Variants in OSBPL10 observed in about 807,000 individuals in gnomAD.
OSBPL10 encodes the protein oxysterol binding protein like 10.
OSBPL10 carries 49 observed loss-of-function variants against 81.7 expected under a neutral mutation model. That is an observed-to-expected ratio of 0.60 (90% confidence interval 0.48 to 0.76). The LOEUF is 0.76. Ranked by LOEUF, OSBPL10 falls within the 30% of genes least tolerant of loss-of-function variation. The pLI, the probability that OSBPL10 is intolerant of heterozygous loss-of-function variation, is 0.00. For missense variants in OSBPL10, 923 were observed against 987.8 expected, an observed-to-expected ratio of 0.93 and a Z score of 0.88; for synonymous variants, 419 against 383.6, an observed-to-expected ratio of 1.09 and a Z score of -1.08.
At chr3:31,941,590 C>T (rs1396881385) in intron 1 of OSBPL10, among the ~76,000 whole-genome samples, 1 of 152,180 alleles carries the variant, frequency 6.6e-6, no homozygotes, top group African/African-American at 2.4e-5. Context: ...CTGCCTACTG[C>T]CAAGATCCCT....
At chr3:31,886,575 G>A (rs1245981523) in intron 1 of OSBPL10, among the ~76,000 whole-genome samples, 2 of 152,160 alleles carry the variant, frequency 1.3e-5, no homozygotes, top group Non-Finnish European at 2.9e-5. Flanking sequence ...CTGCATGAAC[G>A]GGGCCTGTGA....
At chr3:31,812,547 T>C (rs1306050530) in intron 4 of OSBPL10, among the ~76,000 whole-genome samples, 1 of 152,002 alleles carries the variant, frequency 6.6e-6, no homozygotes, top group African/African-American at 2.4e-5. Context: ...TATGAAGTAT[T>C]GTCGCTGTGA....
intron 2 of OSBPL10, among the ~76,000 whole-genome samples, chr3:32,009,663 C>T (rs1397179492): frequency 6.6e-6 from 1 of 152,160 alleles, no homozygotes; most frequent in East Asian, 1.9e-4. Context: ...GTTGAATAAG[C>T]CCTGCACCAC....
At chr3:31,882,683 A>G (rs1308354947) in intron 1 of OSBPL10, among the ~76,000 whole-genome samples, 2 of 152,210 alleles carry the variant, frequency 1.3e-5, no homozygotes, top group Non-Finnish European at 2.9e-5. Flanking sequence ...ACACACACAC[A>G]CACGCACTGG....
chr3:31,713,960 T>G (rs759920565), intron 6 of OSBPL10: 2 of 152,212 alleles, frequency 1.3e-5, no homozygotes, highest in Non-Finnish European at 2.9e-5. Flanking sequence ...ACTGACTTAT[T>G]CGTTGCATAA....
intron 4 of OSBPL10, among the ~76,000 whole-genome samples, chr3:31,789,103 T>C (rs111601622): frequency 0.063 from 9,534 of 152,198 alleles, 419 homozygotes; most frequent in African/African-American, 0.12. Flanking sequence ...CTCAACCTCC[T>C]AAGTCACAGC....
At chr3:31,684,219 C>T (rs1700734387) in intron 7 of OSBPL10, 105 bp from the exon 8 acceptor site, 1 of 1,441,350 alleles carries the variant, frequency 6.9e-7, no homozygotes, top group African/African-American at 1.4e-5. Context: ...CATAACATCT[C>T]CAGCCAGGGA....
chr3:32,003,643 C>T (rs1699174069), intron 2 of OSBPL10, among the ~76,000 whole-genome samples: 1 of 152,172 alleles, frequency 6.6e-6, no homozygotes, highest in Non-Finnish European at 1.5e-5. Flanking sequence ...CAGGATAATC[C>T]TCTTTCTCGT....
intron 1 of OSBPL10, among the ~76,000 whole-genome samples, chr3:31,899,826 T>C (rs1056550949): frequency 1.3e-5 from 2 of 151,916 alleles, no homozygotes; most frequent in South Asian, 2.1e-4. Context: ...ACAAAAAAAA[T>C]TTTTTTAATT....
At chr3:31,742,541 G>A (rs1304921807) in intron 5 of OSBPL10, among the ~76,000 whole-genome samples, 1 of 152,168 alleles carries the variant, frequency 6.6e-6, no homozygotes, top group African/African-American at 2.4e-5. Flanking sequence ...CTGCCAAGGT[G>A]CCATTGTCAC....
At position 31,806,083 on chromosome 3, in the gene OSBPL10, T is replaced by C. The variant is rs180818008; in HGVS notation, c.729+23957A>G. On this transcript the variant is annotated intron_variant, in intron 4 of 11. Coordinates refer to ENST00000396556, the MANE Select transcript of OSBPL10 (RefSeq NM_017784.5). ...CAGCTGATCAAGGGCAGGCCAGGAA[T>C]TGAACTCTGGCAGTCTGGTTACAGG... Among the ~76,000 whole-genome samples the C allele has an allele frequency of 5.3e-5, 8 of 152,288 alleles. No individual in the cohort carries two copies. In the East Asian group the frequency reaches 7.7e-4, roughly 15 times the overall value.
At chr3:31,984,971 G>T (rs1371088305), upstream of OSBPL10, among the ~76,000 whole-genome samples, 2 of 152,248 alleles carry the variant, frequency 1.3e-5, no homozygotes, top group Non-Finnish European at 2.9e-5. Flanking sequence ...AGGCGCGGTG[G>T]CTCAAGCCTG....
chr3:31,738,394 A>AAAAAAAAAATCAGTTTGAATTTT (rs1697253053), intron 5 of OSBPL10, among the ~76,000 whole-genome samples: 1 of 152,124 alleles, frequency 6.6e-6, no homozygotes, highest in Admixed American at 6.5e-5. Context: ...TTAAAGGAAA[A>AAAAAAAAAATCAGTTTGAATTTT]AAAAAAAAAT....
intron 6 of OSBPL10, chr3:31,716,960 T>C (rs1056448121): frequency 3.9e-5 from 6 of 152,146 alleles, no homozygotes; most frequent in African/African-American, 1.4e-4. Flanking sequence ...CCAATGGAAA[T>C]TTCTGAAGCG....
chr3:32,009,668 C>T (rs1400321861), intron 2 of OSBPL10, among the ~76,000 whole-genome samples: 5 of 152,214 alleles, frequency 3.3e-5, no homozygotes, highest in Non-Finnish European at 7.3e-5. Context: ...ATAAGCCCTG[C>T]ACCACATGAG....
intron 1 of OSBPL10, among the ~76,000 whole-genome samples, chr3:31,913,833 A>C (rs958304138): frequency 3.3e-5 from 5 of 152,234 alleles, no homozygotes; most frequent in Non-Finnish European, 7.3e-5. Context: ...AAAATCTAGG[A>C]GAATGGGAGA....
chr3:31,787,888 A>T (rs1698899050), intron 4 of OSBPL10, among the ~76,000 whole-genome samples: 1 of 152,238 alleles, frequency 6.6e-6, no homozygotes, highest in African/African-American at 2.4e-5. Flanking sequence ...AATTATAAGG[A>T]ATTTGGTATT....
intron 7 of OSBPL10, among the ~76,000 whole-genome samples, chr3:31,691,043 G>C (rs1695525085): frequency 6.6e-6 from 1 of 152,146 alleles, no homozygotes; most frequent in South Asian, 2.1e-4. Flanking sequence ...CTGACAGAGG[G>C]TGAGTGACGG....
At chr3:32,010,714 G>A (rs1023801504) in intron 2 of OSBPL10, among the ~76,000 whole-genome samples, 3 of 152,124 alleles carry the variant, frequency 2.0e-5, no homozygotes, top group African/African-American at 2.4e-5. Flanking sequence ...GTGACAGATG[G>A]CACCTGGAAA....
Sources: gnomAD v4.1 joint callset for allele counts (sites outside exome capture counted in the v4.1 genomes callset) on GRCh38, gnomAD v4.1.1 for gene constraint, MANE v1.5 for transcripts, NCBI Gene and HGNC (gene_info 2026-07-23, HGNC 2026-07-21) for gene names.